The following ASIC2 variants were observed in gnomAD, a reference collection of about 807,000 sequenced individuals.
ASIC2 encodes the protein acid-sensing ion channel 2.
Under a neutral mutation model 57.3 loss-of-function variants are expected in ASIC2, and 25 were observed. That is an observed-to-expected ratio of 0.44 (90% CI 0.32 to 0.61). ASIC2 has a LOEUF of 0.61. Ranked by LOEUF, ASIC2 falls within the 20% of genes least tolerant of loss-of-function variation. The probability of loss-of-function intolerance (pLI) is 0.06; values close to 1 mark genes in which losing one functional copy is unlikely to be tolerated. For missense variants in ASIC2, 641 were observed against 738.1 expected (o/e 0.87, Z 1.52); for synonymous variants, 319 against 307.5 (o/e 1.04, Z -0.39).
chr17:34,010,560 T>C (rs1448682971), intron 1 of ASIC2, among the ~76,000 whole-genome samples: 1 of 151,806 alleles, frequency 6.6e-6, no homozygotes, highest in Non-Finnish European at 1.5e-5. Context: ...TGTCTCAGGG[T>C]TTTTTCAACT....
At chr17:34,039,796 C>A in intron 1 of ASIC2, 3 of 1,610,388 alleles carry the variant, frequency 1.9e-6, no homozygotes, top group Non-Finnish European at 2.5e-6. Context: ...TGGTCCCTTA[C>A]TAACACCTAC....
intron 1 of ASIC2, among the ~76,000 whole-genome samples, chr17:33,854,639 G>T (rs1267725755): frequency 5.3e-5 from 8 of 152,208 alleles, no homozygotes; most frequent in Admixed American, 3.9e-4. Flanking sequence ...TCTGCAGAAA[G>T]AGCAGGGTTG....
intron 3 of ASIC2, among the ~76,000 whole-genome samples, chr17:33,036,552 T>C (rs951585661): frequency 1.3e-5 from 2 of 152,102 alleles, no homozygotes; most frequent in Non-Finnish European, 2.9e-5. Context: ...CGCCTCAGCC[T>C]CCCAAGGAGT....
chr17:33,503,881 A>G lies in ASIC2; in HGVS notation c.556-391814T>C, dbSNP rs553282668. Among the ~76,000 whole-genome samples the G allele has an allele frequency of 9.2e-5, 14 of 152,344 alleles. No homozygotes were observed. The South Asian group carries it at 2.9e-3, about 32-fold the overall frequency. On this transcript the variant is annotated intron_variant, in intron 1 of 9. Coordinates refer to the ASIC2 transcript ENST00000359872. ...ATTAGGATGAGGAATGAGGAGAGACATTACACCACACCCATAATATTGATC... is the reference window on the plus strand; with the variant it reads ...ATTAGGATGAGGAATGAGGAGAGACGTTACACCACACCCATAATATTGATC...
intron 1 of ASIC2, among the ~76,000 whole-genome samples, chr17:33,409,157 G>A (rs572698791): frequency 6.6e-6 from 1 of 152,208 alleles, no homozygotes; most frequent in African/African-American, 2.4e-5. Flanking sequence ...AGAGGTTGTA[G>A]TGAGCCGAAA....
At chr17:33,559,602 C>G (rs1430263319) in intron 1 of ASIC2, among the ~76,000 whole-genome samples, 1 of 152,154 alleles carries the variant, frequency 6.6e-6, no homozygotes, top group African/African-American at 2.4e-5. Context: ...GCCAGTGTCT[C>G]CATTATTGTC....
At chr17:33,200,126 T>G (rs1489251459) in intron 1 of ASIC2, among the ~76,000 whole-genome samples, 1 of 152,316 alleles carries the variant, frequency 6.6e-6, no homozygotes, top group African/African-American at 2.4e-5. Flanking sequence ...CTAGAAGGAC[T>G]TCAGTGTTAG....
At chr17:33,301,695 G>A (rs1905966345) in intron 1 of ASIC2, among the ~76,000 whole-genome samples, 1 of 152,164 alleles carries the variant, frequency 6.6e-6, no homozygotes, top group Non-Finnish European at 1.5e-5. Flanking sequence ...ATTATTAAAA[G>A]GCAATTTAAA....
At chr17:33,228,098 C>T (rs1428699578) in intron 1 of ASIC2, among the ~76,000 whole-genome samples, 6 of 152,196 alleles carry the variant, frequency 3.9e-5, no homozygotes, top group Non-Finnish European at 5.9e-5. Flanking sequence ...TCCTCTGAGG[C>T]ACTCTTAGTG....
chr17:33,475,070 C>T (rs920314522), intron 1 of ASIC2, among the ~76,000 whole-genome samples: 4 of 152,102 alleles, frequency 2.6e-5, no homozygotes, highest in African/African-American at 9.7e-5. Context: ...AAATACTCAA[C>T]ACCCTCTTCT....
chr17:33,023,782 G>C, intron 6 of ASIC2, 79 bp downstream of exon 6: 1 of 1,570,114 alleles, frequency 6.4e-7, no homozygotes, highest in Non-Finnish European at 8.7e-7. Context: ...GCTTATCTTT[G>C]CTTTCCTCCT....
intron 1 of ASIC2, chr17:34,069,862 G>C (rs1909332606): frequency 6.6e-6 from 1 of 152,192 alleles, no homozygotes; most frequent in African/African-American, 2.4e-5. Flanking sequence ...TTGAGTAAGA[G>C]TGGTTTAGGC....
At chr17:33,906,788 A>T (rs1915359455) in intron 1 of ASIC2, among the ~76,000 whole-genome samples, 1 of 152,190 alleles carries the variant, frequency 6.6e-6, no homozygotes, top group Admixed American at 6.5e-5. Context: ...TGGCTTTGGC[A>T]TCAAGACCTA....
intron 1 of ASIC2, among the ~76,000 whole-genome samples, chr17:33,205,690 G>A (rs747325216): frequency 2.3e-4 from 35 of 152,282 alleles, no homozygotes; most frequent in Admixed American, 7.8e-4. Flanking sequence ...GGAGGCAGCC[G>A]GCCATTCAGT....
intron 9 of ASIC2, 77 bp downstream of exon 9, chr17:33,015,894 G>A (rs909422013): frequency 2.7e-6 from 4 of 1,508,356 alleles, no homozygotes; most frequent in Non-Finnish European, 1.8e-6. Context: ...TTTCCTGCCC[G>A]GCCCCAGCAT....
intron 1 of ASIC2, among the ~76,000 whole-genome samples, chr17:33,173,650 C>A (rs756036058): frequency 6.6e-6 from 1 of 152,184 alleles, no homozygotes; most frequent in Admixed American, 6.5e-5. Context: ...TTAGAAGCAC[C>A]GGCTTTGACC....
At chr17:33,830,061 C>A (rs573162370) in intron 1 of ASIC2, among the ~76,000 whole-genome samples, 1 of 152,294 alleles carries the variant, frequency 6.6e-6, no homozygotes, top group East Asian at 1.9e-4. Flanking sequence ...TATTCATAGG[C>A]AACTTTTCCT....
chr17:33,408,061 A>C (rs1428821824), intron 1 of ASIC2, among the ~76,000 whole-genome samples: 1 of 152,122 alleles, frequency 6.6e-6, no homozygotes, highest in East Asian at 1.9e-4. Context: ...AGTGTGCCAC[A>C]TGTACCCGAC....
At chr17:33,682,545 G>A (rs536180006) in intron 1 of ASIC2, among the ~76,000 whole-genome samples, 148 of 151,766 alleles carry the variant, frequency 9.8e-4, no homozygotes, top group African/African-American at 3.4e-3. Context: ...AGTCCTGATA[G>A]TTCAAAAAAG....
Sources: allele counts gnomAD v4.1 joint callset (sites outside exome capture counted in the v4.1 genomes callset), GRCh38; gene constraint gnomAD v4.1.1; transcripts MANE v1.5; gene names NCBI Gene and HGNC (gene_info 2026-07-23, HGNC 2026-07-21).